PIK3CB: variants seen among roughly 807,000 people sequenced by gnomAD.
PIK3CB encodes the protein phosphatidylinositol 4,5-bisphosphate 3-kinase catalytic subunit beta isoform.
PIK3CB carries 39 observed loss-of-function variants against 136.8 expected under a neutral mutation model. That is an observed-to-expected ratio of 0.29 (90% CI 0.22 to 0.37). PIK3CB has a LOEUF of 0.37. Among genes scored for constraint, PIK3CB ranks in the 10% least tolerant of loss-of-function variants. PIK3CB has a pLI of 1.00. For missense variants in PIK3CB, 868 were observed against 1,275.4 expected (o/e 0.68, Z 4.87); for synonymous variants, 428 against 436.6 (o/e 0.98, Z 0.25).
At chr3:138,795,745 A>G (rs796636534) in intron 2 of PIK3CB, among the ~76,000 whole-genome samples, 6 of 152,360 alleles carry the variant, frequency 3.9e-5, no homozygotes, top group African/African-American at 1.4e-4. Context: ...CTGCAGCTAT[A>G]TTACATATGG....
At position 138,665,036 on chromosome 3, in the gene PIK3CB, C is replaced by T; in HGVS notation, c.2672G>A (p.Gly891Glu). Residue 891 changes from glycine (G) to glutamate (E), a missense_variant and splice_region_variant, in exon 20 of 24, where the codon GGG becomes GAG. Transcript: ENST00000674063. ...TGATAATTAAACAGAATAAACTAACCCAGAGTTGTATTCTTTAAGCCAGTT... is the reference window on the plus strand; with the variant it reads ...TGATAATTAAACAGAATAAACTAACTCAGAGTTGTATTCTTTAAGCCAGTT... ...LLNWLKEYNS[G>E]DDLDRAIEEF... 6.3e-7 allele frequency: 1 copy of T among 1,594,172 alleles called. No individual in the cohort carries two copies. The highest frequency in any genetic ancestry group is 8.6e-7 in the Non-Finnish European group (1 of 1,166,554).
chr3:138,710,594 T>A lies in PIK3CB; in HGVS notation c.1399+1614A>T, dbSNP rs2044476045. 2.6e-5 allele frequency among the ~76,000 whole-genome samples: 4 copies of A among 152,352 alleles called. 1 individual carries two copies. Among genetic ancestry groups the A allele is most frequent in the African/African-American group, 9.6e-5 (4 of 41,590 alleles). ...GTATAGACCAATGGGAAGATTTGAATAGTCTTTCATTCAAATCCTAGGTTT... is the reference window on the plus strand; with the variant it reads ...GTATAGACCAATGGGAAGATTTGAAAAGTCTTTCATTCAAATCCTAGGTTT... On this transcript the variant is annotated intron_variant, in intron 10 of 23. Coordinates refer to ENST00000674063, the MANE Select transcript of PIK3CB (RefSeq NM_006219.3).
At chr3:138,711,867 A>T (rs2044508062) in intron 10 of PIK3CB, among the ~76,000 whole-genome samples, 1 of 151,954 alleles carries the variant, frequency 6.6e-6, no homozygotes, top group African/African-American at 2.4e-5. Flanking sequence ...CATGCCTGTA[A>T]TCCTAGCACT....
intron 12 of PIK3CB, 84 bp from the exon 13 acceptor site, chr3:138,699,179 TA>T: frequency 4.9e-6 from 2 of 406,106 alleles, no homozygotes; most frequent in Non-Finnish European, 8.2e-6. Flanking sequence ...TATTTATATA[TA>T]ATAAATGAAC....
chr3:138,833,408 C>T (rs946344690), intron 1 of PIK3CB, among the ~76,000 whole-genome samples: 1 of 152,262 alleles, frequency 6.6e-6, no homozygotes, highest in Non-Finnish European at 1.5e-5. Flanking sequence ...CATTCTGAAA[C>T]TGGGTTAAGA....
intron 2 of PIK3CB, among the ~76,000 whole-genome samples, chr3:138,760,877 A>T (rs1189034396): frequency 6.6e-6 from 1 of 152,248 alleles, no homozygotes; most frequent in Non-Finnish European, 1.5e-5. Context: ...ACTGCACTCC[A>T]GCCTGGACAA....
At chr3:138,773,578 T>C (rs1242927968) in intron 2 of PIK3CB, among the ~76,000 whole-genome samples, 1 of 152,170 alleles carries the variant, frequency 6.6e-6, no homozygotes, top group East Asian at 1.9e-4. Flanking sequence ...AATATGCCAT[T>C]TTAAGTTACT....
chr3:138,791,628 C>T (rs903266966), intron 2 of PIK3CB, among the ~76,000 whole-genome samples: 1 of 152,192 alleles, frequency 6.6e-6, no homozygotes, highest in African/African-American at 2.4e-5. Context: ...TCCACCCTCA[C>T]TTACTTCAAT....
At chr3:138,716,786 C>T (rs2044616081) in intron 8 of PIK3CB, among the ~76,000 whole-genome samples, 1 of 148,764 alleles carries the variant, frequency 6.7e-6, no homozygotes, top group South Asian at 2.1e-4. Context: ...ATCCCAGCTA[C>T]TCAGGAGGCT....
At chr3:138,829,830 G>A (rs1050581523) in intron 1 of PIK3CB, among the ~76,000 whole-genome samples, 2 of 152,100 alleles carry the variant, frequency 1.3e-5, no homozygotes, top group South Asian at 2.1e-4. Flanking sequence ...ATAAGAATGG[G>A]AATTAAGAGA....
intron 1 of PIK3CB, among the ~76,000 whole-genome samples, chr3:138,800,769 T>C (rs2046165255): frequency 6.6e-6 from 1 of 152,000 alleles, no homozygotes; most frequent in Admixed American, 6.6e-5. Context: ...GGATTACAGG[T>C]GTGTGCCACC....
At chr3:138,688,229 C>T (rs1417078141) in intron 16 of PIK3CB, among the ~76,000 whole-genome samples, 7 of 151,802 alleles carry the variant, frequency 4.6e-5, no homozygotes, top group Non-Finnish European at 7.4e-5. Flanking sequence ...CAGCCAGGTA[C>T]GGTGGCTCAC....
intron 1 of PIK3CB, among the ~76,000 whole-genome samples, chr3:138,833,066 A>G (rs78726039): frequency 3.6e-4 from 52 of 142,938 alleles, no homozygotes; most frequent in Non-Finnish European, 1.8e-4. Flanking sequence ...TCTCAAAAAG[A>G]TTTTTTTTTT....
intron 4 of PIK3CB, among the ~76,000 whole-genome samples, chr3:138,755,012 A>G (rs924362435): frequency 5.3e-5 from 8 of 152,222 alleles, no homozygotes; most frequent in Admixed American, 2.0e-4. Flanking sequence ...AGACTCCTCC[A>G]TGTTCTTGAT....
intron 16 of PIK3CB, 175 bp from the exon 17 acceptor site, chr3:138,684,978 A>G (rs992922886): frequency 9.7e-6 from 5 of 517,362 alleles, no homozygotes; most frequent in Admixed American, 3.6e-5. Flanking sequence ...CATACAATAA[A>G]CTTATTTTTA....
intron 4 of PIK3CB, 71 bp from the exon 5 acceptor site, chr3:138,742,852 G>C: frequency 1.2e-6 from 1 of 816,470 alleles, no homozygotes; most frequent in South Asian, 2.0e-5. Context: ...AGAATACAAA[G>C]TATATTCAAC....
At chr3:138,832,181 T>C (rs1322822108) in intron 1 of PIK3CB, among the ~76,000 whole-genome samples, 1 of 152,160 alleles carries the variant, frequency 6.6e-6, no homozygotes, top group Admixed American at 6.6e-5. Context: ...ACAAAGCAAG[T>C]TGAAGCAAAA....
intron 4 of PIK3CB, among the ~76,000 whole-genome samples, chr3:138,748,075 G>A (rs1054360151): frequency 6.6e-6 from 1 of 150,746 alleles, no homozygotes; most frequent in African/African-American, 2.4e-5. Flanking sequence ...AGAGAAAAAG[G>A]CATTCTAGTA....
Position 138,684,772 on chromosome 3 carries a change from T to C in PIK3CB, c.2168A>G (p.Asn723Ser). 6.2e-7 allele frequency: 1 copy of C among 1,613,350 alleles called. No homozygotes were observed. The highest frequency in any genetic ancestry group is 8.5e-7 in the Non-Finnish European group (1 of 1,179,736). ...CACGGCATTCAGTTTGATTAAACTA[T>C]TTAAAGTTTTTAACTTATTGAGTGC... ...VEALNKLKTL[N>S]SLIKLNAVKL... Residue 723 changes from asparagine (N) to serine (S), a missense_variant, in exon 17 of 24, where the codon AAT (asparagine) becomes AGT (serine). Asn to Ser is a conservative substitution (Grantham distance 46, BLOSUM62 1). This residue lies in a region of PIK3CB where 165 missense variants were observed against 295.4 expected (regional missense o/e 0.56). Transcript: ENST00000674063.
Sources: gnomAD v4.1 joint callset for allele counts (sites outside exome capture counted in the v4.1 genomes callset) on GRCh38, gnomAD v4.1.1 for gene constraint, gnomAD v4.1.1 regional missense constraint, MANE v1.5 for transcripts, NCBI Gene and HGNC (gene_info 2026-07-23, HGNC 2026-07-21) for gene names.